Variants in POU2F1 observed in about 807,000 individuals in gnomAD.
POU2F1 encodes the protein POU class 2 homeobox 1.
Under a neutral mutation model 84.9 loss-of-function variants are expected in POU2F1, and 16 were observed. The observed-to-expected ratio is 0.19, with a 90% CI of 0.13 to 0.29. The LOEUF is 0.29. POU2F1 is among the 10% of genes least tolerant of loss of function. POU2F1 has a pLI of 1.00. For missense variants in POU2F1, 738 were observed against 942.6 expected (o/e 0.78, Z 2.84); for synonymous variants, 368 against 368.3 (o/e 1.00, Z 0.01).
intron 1 of POU2F1, among the ~76,000 whole-genome samples, chr1:167,297,264 G>A (rs1281994070): frequency 3.9e-5 from 6 of 152,118 alleles, no homozygotes; most frequent in African/African-American, 9.7e-5. Context: ...ATAATTTAAC[G>A]TATTTGTTAT....
intron 1 of POU2F1, among the ~76,000 whole-genome samples, chr1:167,226,246 A>G (rs61428349): frequency 0.018 from 2,742 of 152,304 alleles, 79 homozygotes; most frequent in African/African-American, 0.061. Flanking sequence ...CCCTTTCTGC[A>G]TGAATTTTTT....
At chr1:167,317,799 A>G (rs1002787085) in intron 1 of POU2F1, among the ~76,000 whole-genome samples, 3 of 152,160 alleles carry the variant, frequency 2.0e-5, no homozygotes, top group African/African-American at 7.2e-5. Context: ...GTTGATGGCC[A>G]TTTTGGGAGC....
intron 11 of POU2F1, 74 bp from the exon 12 acceptor site, chr1:167,399,112 G>GACATTTTCTA: frequency 7.0e-7 from 1 of 1,419,178 alleles, no homozygotes; most frequent in Non-Finnish European, 9.5e-7. Flanking sequence ...TTTCTAACCT[G>GACATTTTCTA]ACGTGATTAT....
At chr1:167,254,448 T>C (rs945148134) in intron 1 of POU2F1, among the ~76,000 whole-genome samples, 4 of 152,384 alleles carry the variant, frequency 2.6e-5, no homozygotes, top group African/African-American at 7.2e-5. Flanking sequence ...TGAATTTTGA[T>C]GTAGGGATAA....
intron 1 of POU2F1, among the ~76,000 whole-genome samples, chr1:167,292,789 T>TA (rs1375458074): frequency 5.9e-5 from 9 of 151,966 alleles, no homozygotes; most frequent in Admixed American, 5.9e-4. Context: ...CAGCAGGACA[T>TA]AAAAAAGACA....
At chr1:167,344,682 A>G (rs1658075370) in intron 2 of POU2F1, among the ~76,000 whole-genome samples, 1 of 152,232 alleles carries the variant, frequency 6.6e-6, no homozygotes, top group Non-Finnish European at 1.5e-5. Flanking sequence ...ATACACGGAA[A>G]GCAAGTAGGT....
intron 1 of POU2F1, among the ~76,000 whole-genome samples, chr1:167,316,100 A>G (rs1314310837): frequency 2.6e-5 from 4 of 152,206 alleles, no homozygotes; most frequent in African/African-American, 9.6e-5. Flanking sequence ...TGTGACTGTC[A>G]TGGGGTAGCA....
At chr1:167,256,642 A>G (rs1002603200) in intron 1 of POU2F1, among the ~76,000 whole-genome samples, 2 of 152,228 alleles carry the variant, frequency 1.3e-5, no homozygotes, top group East Asian at 1.9e-4. Flanking sequence ...AGTTTATACC[A>G]TATCATCTCA....
At chr1:167,408,504 C>A (rs747102007) in intron 13 of POU2F1, among the ~76,000 whole-genome samples, 24 of 152,158 alleles carry the variant, frequency 1.6e-4, no homozygotes, top group Non-Finnish European at 2.6e-4. Context: ...GTTATATCTA[C>A]ACAGTGGAAT....
intron 1 of POU2F1, among the ~76,000 whole-genome samples, chr1:167,314,534 A>G (rs1342176828): frequency 6.6e-6 from 1 of 151,920 alleles, no homozygotes; most frequent in Non-Finnish European, 1.5e-5. Flanking sequence ...CCCAATACTT[A>G]GGAAGGCTGA....
chr1:167,330,331 T>C (rs1412076480), intron 1 of POU2F1, among the ~76,000 whole-genome samples: 2 of 152,158 alleles, frequency 1.3e-5, no homozygotes, highest in African/African-American at 4.8e-5. Context: ...TTTGAATTCT[T>C]ATGCATAAGG....
rs376409040 is a variant in POU2F1 at position 167,370,152 on chromosome 1, T to G, written c.229-9T>G. ...GTATTAAACTAGAACTTCCCCTGAT[T>G]ACTTATAGGTCCAACTCGCTGGAAC... On this transcript the variant is annotated splice_polypyrimidine_tract_variant and intron_variant, in intron 3 of 15. Transcript: ENST00000367866. The G allele has an allele frequency of 8.5e-5, 136 of 1,600,440 alleles. 2 individuals are homozygous for G. Among genetic ancestry groups the G allele is most frequent in the South Asian group, 5.7e-4 (51 of 88,852 alleles).
intron 2 of POU2F1, among the ~76,000 whole-genome samples, chr1:167,359,808 C>T (rs1659228936): frequency 7.0e-6 from 1 of 143,600 alleles, no homozygotes; most frequent in Admixed American, 6.9e-5. Context: ...ACAGTGTGTA[C>T]GTGGTTTTTT....
chr1:167,350,737 G>T (rs925886247), intron 2 of POU2F1, among the ~76,000 whole-genome samples: 57 of 151,576 alleles, frequency 3.8e-4, no homozygotes, highest in Non-Finnish European at 6.8e-4. Flanking sequence ...GGTGGCTCAT[G>T]CCTATAATCC....
chr1:167,402,802 C>G (rs1649301150), intron 13 of POU2F1, among the ~76,000 whole-genome samples: 1 of 152,106 alleles, frequency 6.6e-6, no homozygotes, highest in Non-Finnish European at 1.5e-5. Flanking sequence ...TGTTGGGCAC[C>G]AAGAATGTGA....
intron 1 of POU2F1, among the ~76,000 whole-genome samples, chr1:167,318,257 T>C (rs1267467932): frequency 1.3e-5 from 2 of 152,158 alleles, no homozygotes; most frequent in Non-Finnish European, 2.9e-5. Context: ...GGCCATATCA[T>C]TTGAGGTTGA....
chr1:167,276,052 T>C (rs1202177332), intron 1 of POU2F1, among the ~76,000 whole-genome samples: 1 of 152,260 alleles, frequency 6.6e-6, no homozygotes, highest in Non-Finnish European at 1.5e-5. Context: ...TGCTGTTTCT[T>C]TTTCTGTGGT....
At chr1:167,336,887 C>T (rs1394405488) in intron 2 of POU2F1, among the ~76,000 whole-genome samples, 2 of 151,950 alleles carry the variant, frequency 1.3e-5, no homozygotes, top group Non-Finnish European at 2.9e-5. Context: ...AAAACTAAGC[C>T]AGGCGCCATG....
intron 1 of POU2F1, among the ~76,000 whole-genome samples, chr1:167,302,642 G>A (rs1191158828): frequency 6.6e-6 from 1 of 152,160 alleles, no homozygotes; most frequent in Non-Finnish European, 1.5e-5. Flanking sequence ...TCATGAAATA[G>A]GAACAAAACT....
Sources: gnomAD v4.1 joint callset for allele counts (sites outside exome capture counted in the v4.1 genomes callset) on GRCh38, gnomAD v4.1.1 for gene constraint, MANE v1.5 for transcripts, NCBI Gene and HGNC (gene_info 2026-07-23, HGNC 2026-07-21) for gene names.